The following BCLAF1 variants were observed in gnomAD, a reference collection of about 807,000 sequenced individuals.
BCLAF1 encodes bcl-2-associated transcription factor 1.
In BCLAF1, 10 loss-of-function variants were observed where a neutral mutation model predicts 99.5. The observed-to-expected ratio is 0.10, with a 90% CI of 0.06 to 0.17. The LOEUF is 0.17. BCLAF1 is among the 10% of genes least tolerant of loss of function. The pLI is 1.00. For synonymous variants in BCLAF1, 255 were observed against 370.9 expected (o/e 0.69, Z 3.59); for missense variants, 636 against 1,105.8 (o/e 0.58, Z 6.02).
Position 136,259,310 on chromosome 6 carries a change from CTAT to C in BCLAF1, c.*1797_*1799del, listed in dbSNP as rs1266099725. ...CATAATTTCTCAGATCCCCTTTTACCTATTGTCTTAAGTGGATAAGCACATAGT... is the reference window on the plus strand; with the variant it reads ...CATAATTTCTCAGATCCCCTTTTACCTGTCTTAAGTGGATAAGCACATAGT... On this transcript the variant is annotated 3_prime_UTR_variant, in exon 13 of 13. Transcript: ENST00000531224. The C allele has an allele frequency of 1.3e-5, 2 of 151,996 alleles. No individual in the cohort carries two copies. Among genetic ancestry groups the C allele is most frequent in the Non-Finnish European group, 2.9e-5 (2 of 67,896 alleles). 9.4% of individuals were successfully genotyped at this position (151,996 alleles called of 1,614,324 possible). A position where few individuals can be genotyped will look rare whatever the true frequency, so the allele number is the denominator to read the frequency against.
chr6:136,284,664 C>T (rs926349439), intron 1 of BCLAF1, among the ~76,000 whole-genome samples: 3 of 152,204 alleles, frequency 2.0e-5, no homozygotes, highest in Admixed American at 1.3e-4. Flanking sequence ...GAACCCTAAA[C>T]TTTCCAGATA....
intron 1 of BCLAF1, among the ~76,000 whole-genome samples, chr6:136,288,561 G>A (rs1219055959): frequency 6.6e-6 from 1 of 152,210 alleles, no homozygotes; most frequent in Non-Finnish European, 1.5e-5. Flanking sequence ...AAATTTAAAA[G>A]AGGCTGTTGC....
chr6:136,263,108 A>C (rs1781245949), intron 11 of BCLAF1, among the ~76,000 whole-genome samples: 1 of 152,186 alleles, frequency 6.6e-6, no homozygotes, highest in Admixed American at 6.5e-5. Context: ...ACTAATCCTC[A>C]CAACAACCCT....
chr6:136,264,318 T>C (rs533238697), intron 11 of BCLAF1, among the ~76,000 whole-genome samples: 1 of 152,278 alleles, frequency 6.6e-6, no homozygotes, highest in Non-Finnish European at 1.5e-5. Flanking sequence ...GCGATTCTCC[T>C]GCCTCAGCCT....
intron 7 of BCLAF1, 98 bp downstream of exon 7, chr6:136,272,984 G>A (rs904470786): frequency 1.5e-5 from 11 of 749,930 alleles, no homozygotes; most frequent in African/African-American, 3.5e-5. Context: ...AATAATACTT[G>A]TATCAATGAC....
At chr6:136,280,543 TA>T (rs1292007337) in intron 2 of BCLAF1, among the ~76,000 whole-genome samples, 2 of 151,960 alleles carry the variant, frequency 1.3e-5, no homozygotes, top group Non-Finnish European at 2.9e-5. Context: ...TAAGAAGATT[TA>T]AAAAGAATAA....
intron 9 of BCLAF1, chr6:136,269,109 C>T (rs932989123): frequency 2.6e-6 from 3 of 1,158,584 alleles, no homozygotes; most frequent in Non-Finnish European, 2.1e-6. Flanking sequence ...TGAAAAAGTG[C>T]GGAATCAAGC....
chr6:136,284,696 T>A (rs1438249705), intron 1 of BCLAF1, among the ~76,000 whole-genome samples: 1 of 152,170 alleles, frequency 6.6e-6, no homozygotes, highest in East Asian at 1.9e-4. Context: ...GTGCCTTACA[T>A]GCCAGGCACT....
chr6:136,286,576 G>A (rs1480769167), intron 1 of BCLAF1, among the ~76,000 whole-genome samples: 1 of 152,190 alleles, frequency 6.6e-6, no homozygotes, highest in Non-Finnish European at 1.5e-5. Flanking sequence ...CTTTCTGCAA[G>A]CTAACCACGT....
intron 8 of BCLAF1, chr6:136,270,350 A>G (rs1255418956): frequency 6.6e-6 from 1 of 151,852 alleles, no homozygotes; most frequent in Non-Finnish European, 1.5e-5. Flanking sequence ...GCTTTTTCAA[A>G]TACTATATAA....
rs1179649476 is a variant in BCLAF1, at chr6:136,257,764, G to A, written c.*3346C>T. ...CCATTTGCCTTTCCTCTTCAACTCT[G>A]TAAATTGAGAAAGGCCTCTGAACTT... is the stretch of plus-strand genomic sequence containing the variant. On this transcript the variant is annotated 3_prime_UTR_variant, in exon 13 of 13. Coordinates refer to ENST00000531224, the MANE Select transcript of BCLAF1 (RefSeq NM_014739.3). The A allele has an allele frequency of 6.6e-6, 1 of 152,058 alleles. No individual in the cohort carries two copies. The highest frequency in any genetic ancestry group is 2.4e-5 in the African/African-American group (1 of 41,422). 9.4% of individuals were successfully genotyped at this position (152,058 alleles called of 1,614,324 possible).
chr6:136,286,509 C>G (rs1785152477), intron 1 of BCLAF1, among the ~76,000 whole-genome samples: 1 of 152,170 alleles, frequency 6.6e-6, no homozygotes, highest in African/African-American at 2.4e-5. Flanking sequence ...TAATGTTTGG[C>G]CCGTGGTATA....
In BCLAF1 at chr6:136,275,556, C is replaced by G. The variant is rs1310681025; in HGVS notation, c.1828G>C (p.Val610Leu). Residue 610 changes from valine to leucine, a missense_variant, in exon 6 of 13, where the codon GTG becomes CTG. Physicochemically the swap from Val to Leu is conservative, Grantham distance 32. Around this residue, in one of 9 missense-constraint regions of BCLAF1, gnomAD observed 180 missense variants for 270.0 expected, o/e 0.67. Coordinates refer to ENST00000531224, the MANE Select transcript of BCLAF1 (RefSeq NM_014739.3). ...STSESFIQHI[V>L]SLVHHVKEQY... is the part of the protein sequence containing the mutation. Reference sequence around the variant, plus strand: ...CCTTTAACATGATGAACCAAGGACACAATGTGTTGAATAAATGACTCTGAA... The same window carrying G: ...CCTTTAACATGATGAACCAAGGACAGAATGTGTTGAATAAATGACTCTGAA... The G allele has an allele frequency of 1.3e-6, 2 of 1,567,640 alleles. No homozygotes were observed. Among genetic ancestry groups the G allele is most frequent in the Non-Finnish European group, 1.7e-6 (2 of 1,161,714 alleles).
chr6:136,277,840 C>G (rs1477076955), intron 4 of BCLAF1, 25 bp downstream of exon 4: 1 of 1,593,672 alleles, frequency 6.3e-7, no homozygotes, highest in East Asian at 2.2e-5. Context: ...ATATTATAAT[C>G]TAGATTCTGT....
chr6:136,287,248 T>G (rs1176699731), intron 1 of BCLAF1, among the ~76,000 whole-genome samples: 4 of 152,164 alleles, frequency 2.6e-5, no homozygotes, highest in African/African-American at 9.6e-5. Context: ...AAGCGGAGGT[T>G]GCAGTGAGCC....
At chr6:136,279,383 G>T in intron 3 of BCLAF1, 1 of 153,186 alleles carries the variant, frequency 6.5e-6, no homozygotes, top group Non-Finnish European at 1.4e-5. Context: ...AAATTATTTT[G>T]TTAGAATTCA....
intron 9 of BCLAF1, 146 bp from the exon 10 acceptor site, chr6:136,268,485 GACA>G: frequency 2.7e-6 from 2 of 743,996 alleles, no homozygotes; most frequent in South Asian, 3.5e-5. Flanking sequence ...GTTAAACTTT[GACA>G]CAGTCTGTTT....
Position 136,276,113 on chromosome 6 carries a change from G to A in BCLAF1, c.1412C>T (p.Pro471Leu). The change falls in exon 5 of 13, where the codon CCT becomes CTT. Residue 471 changes from proline to leucine, a missense_variant. Pro to Leu is a moderately conservative substitution (Grantham distance 98, BLOSUM62 -3). Transcript: ENST00000531224. The stretch of plus-strand genomic sequence containing the variant: ...TTTGTGCTTATCTTTTGTAGTGCTA[G>A]GCCTTTCCACTACATATCCAGTCTC... Reference protein sequence around the residue: ...LKETGYVVERPSTTKDKHKEE... With the variant: ...LKETGYVVERLSTTKDKHKEE... 2 of 1,612,412 alleles carry A rather than the reference G, an allele frequency of 1.2e-6. No homozygotes were observed. Among genetic ancestry groups the A allele is most frequent in the South Asian group, 1.1e-5 (1 of 90,766 alleles).
intron 1 of BCLAF1, among the ~76,000 whole-genome samples, chr6:136,289,439 C>G (rs1365712738): frequency 6.6e-6 from 1 of 152,108 alleles, no homozygotes; most frequent in Non-Finnish European, 1.5e-5. Flanking sequence ...CGCACGCGCA[C>G]GGGAGGCCGC....
Sources: allele counts gnomAD v4.1 joint callset (sites outside exome capture counted in the v4.1 genomes callset), GRCh38; gene constraint gnomAD v4.1.1; regional missense constraint gnomAD v4.1.1; transcripts MANE v1.5; gene names NCBI Gene and HGNC (gene_info 2026-07-23, HGNC 2026-07-21).